The following ACTN1 variants were observed in gnomAD, a reference collection of about 807,000 sequenced individuals.
ACTN1 encodes alpha-actinin-1.
In ACTN1, 30 loss-of-function variants were observed where a neutral mutation model predicts 119.6. That is an observed-to-expected ratio of 0.25 (90% CI 0.19 to 0.34). The LOEUF (loss-of-function observed/expected upper bound fraction) is 0.34, where lower values mean the gene tolerates loss of function less well. Ranked by LOEUF, ACTN1 falls within the 10% of genes least tolerant of loss-of-function variation. The pLI, the probability that ACTN1 is intolerant of heterozygous loss-of-function variation, is 1.00. For missense variants in ACTN1, 764 were observed against 1,223.4 expected, an observed-to-expected ratio of 0.62 and a Z score of 5.60; for synonymous variants, 429 against 472.6, an observed-to-expected ratio of 0.91 and a Z score of 1.20.
chr14:68,973,167 T>C (rs1029387103), intron 1 of ACTN1, among the ~76,000 whole-genome samples: 5 of 151,948 alleles, frequency 3.3e-5, no homozygotes, highest in Admixed American at 2.6e-4. Context: ...TCTCCATGCG[T>C]TTCCCCCCAT....
intron 1 of ACTN1, among the ~76,000 whole-genome samples, chr14:68,945,937 T>A (rs1318666987): frequency 6.6e-6 from 1 of 152,106 alleles, no homozygotes. Flanking sequence ...CAATCAATCT[T>A]AACCACCCCA....
intron 1 of ACTN1, among the ~76,000 whole-genome samples, chr14:68,968,757 T>TG (rs2036783643): frequency 6.6e-6 from 1 of 152,248 alleles, no homozygotes; most frequent in Non-Finnish European, 1.5e-5. Context: ...TACCCTCAAA[T>TG]GGCCTTTACC....
intron 1 of ACTN1, among the ~76,000 whole-genome samples, chr14:68,974,630 G>A (rs1028170940): frequency 6.6e-6 from 1 of 152,114 alleles, no homozygotes; most frequent in Non-Finnish European, 1.5e-5. Context: ...CTTCCTTTGA[G>A]ATGCACCTCC....
intron 21 of ACTN1, among the ~76,000 whole-genome samples, chr14:68,875,749 G>A (rs567344759): frequency 6.6e-6 from 1 of 152,358 alleles, no homozygotes; most frequent in African/African-American, 2.4e-5. Flanking sequence ...AGCTGCCACT[G>A]TCAAGCCAAA....
At chr14:68,964,705 T>C (rs931308827) in intron 1 of ACTN1, among the ~76,000 whole-genome samples, 3 of 152,224 alleles carry the variant, frequency 2.0e-5, no homozygotes, top group Non-Finnish European at 4.4e-5. Context: ...ACAGTACCTT[T>C]TCCTCATAGG....
At chr14:68,927,182 G>A (rs1210640508) in intron 1 of ACTN1, among the ~76,000 whole-genome samples, 1 of 152,120 alleles carries the variant, frequency 6.6e-6, no homozygotes, top group Admixed American at 6.5e-5. Flanking sequence ...GATTTCCAAT[G>A]TCCTCTCTAT....
At chr14:68,939,763 G>T (rs949711946) in intron 1 of ACTN1, among the ~76,000 whole-genome samples, 6 of 152,194 alleles carry the variant, frequency 3.9e-5, no homozygotes, top group Non-Finnish European at 8.8e-5. Context: ...TGTATAAATG[G>T]GTTAATTGTA....
In ACTN1 at chr14:68,963,507, G is replaced by A. The variant is rs548849261; in HGVS notation, c.105+15445C>T. Among the ~76,000 whole-genome samples the A allele has an allele frequency of 5.3e-5, 8 of 152,300 alleles. No homozygotes were observed. The East Asian group carries it at 1.3e-3, about 26-fold the overall frequency. On this transcript the variant is annotated intron_variant, in intron 1 of 21. Transcript: ENST00000394419. ...ACATGAGTTGAGTAGATGAACTAGGGCTGGCTGCAGTGCCTTCTGCCCCAG... is the reference window on the plus strand; with the variant it reads ...ACATGAGTTGAGTAGATGAACTAGGACTGGCTGCAGTGCCTTCTGCCCCAG...
chr14:68,957,773 C>A (rs2036397986), intron 1 of ACTN1, among the ~76,000 whole-genome samples: 1 of 152,008 alleles, frequency 6.6e-6, no homozygotes, highest in African/African-American at 2.4e-5. Flanking sequence ...AGGGGTCTCC[C>A]TGCCCTGGAA....
rs1566585320 is a variant in ACTN1 at position 68,877,069 on chromosome 14, A to C, written c.2586+13T>G. The C allele has an allele frequency of 6.2e-7, 1 of 1,613,764 alleles. No homozygotes were observed. The highest frequency in any genetic ancestry group is 8.5e-7 in the Non-Finnish European group (1 of 1,179,834). On this transcript the variant is annotated intron_variant, in intron 21 of 21. Coordinates refer to ENST00000394419, the MANE Select transcript of ACTN1 (RefSeq NM_001130004.2). ...TGCCACCCCAGCACAGTGCCCACCC[A>C]TAGGACACCCACCTTGTCCCCAGCC...
rs551394384 is a variant in ACTN1, at chr14:68,918,739, A to G, written c.340+2267T>C. Among the ~76,000 whole-genome samples, 201 of 152,128 alleles carry G rather than the reference A, an allele frequency of 1.3e-3. 3 individuals are homozygous for G. The South Asian group carries it at 0.024, about 18-fold the overall frequency. On this transcript the variant is annotated intron_variant, in intron 3 of 21. Transcript: ENST00000394419. ...TGAAATCCCATCTCTACTAAAAAAAAAAAAAGAAAAGAAAGTTCTGTCCTG... is the reference window on the plus strand; with the variant it reads ...TGAAATCCCATCTCTACTAAAAAAAGAAAAAGAAAAGAAAGTTCTGTCCTG...
At chr14:68,964,101 C>A (rs1262718839) in intron 1 of ACTN1, among the ~76,000 whole-genome samples, 1 of 152,160 alleles carries the variant, frequency 6.6e-6, no homozygotes, top group African/African-American at 2.4e-5. Context: ...GCTGACCCAT[C>A]AAAGGATGAA....
At chr14:68,905,626 A>G (rs1267023217) in intron 6 of ACTN1, among the ~76,000 whole-genome samples, 1 of 152,324 alleles carries the variant, frequency 6.6e-6, no homozygotes, top group Non-Finnish European at 1.5e-5. Context: ...CCTCAACAAG[A>G]GGGAATTTCT....
intron 6 of ACTN1, among the ~76,000 whole-genome samples, chr14:68,906,029 G>C (rs1342470963): frequency 6.6e-6 from 1 of 151,298 alleles, no homozygotes; most frequent in African/African-American, 2.4e-5. Flanking sequence ...TCACTGTTAT[G>C]AGGTTCCCAG....
At position 68,875,124 on chromosome 14, in the gene ACTN1, T is replaced by C. The variant is rs764313700; in HGVS notation, c.2587-107A>G. On this transcript the variant is annotated intron_variant, in intron 21 of 21. Coordinates refer to ENST00000394419, the MANE Select transcript of ACTN1 (RefSeq NM_001130004.2). The stretch of plus-strand genomic sequence containing the variant: ...CGGCGTGAAGGCAGCATGTGCCGTT[T>C]GCATTTTGCCTCCCTCCTGTAACTA... 5.2e-6 allele frequency: 8 copies of C among 1,552,934 alleles called. No homozygotes were observed. The South Asian group carries it at 9.3e-5, about 18-fold the overall frequency.
At chr14:68,895,870 A>G (rs563050333) in intron 8 of ACTN1, among the ~76,000 whole-genome samples, 1 of 152,252 alleles carries the variant, frequency 6.6e-6, no homozygotes, top group South Asian at 2.1e-4. Context: ...ACTACTCCAG[A>G]GTCAGGGTCA....
chr14:68,925,636 C>T lies in ACTN1; in HGVS notation c.142G>A (p.Ala48Thr). The T allele has an allele frequency of 6.2e-7, 1 of 1,613,348 alleles. No homozygotes were observed. The highest frequency in any genetic ancestry group is 8.5e-7 in the Non-Finnish European group (1 of 1,179,592). ...TCGATGTTCTCGATCTGTGTCCCCGCCTTCCGGAGGTGGGAGTTACACCAT... is the reference window on the plus strand; with the variant it reads ...TCGATGTTCTCGATCTGTGTCCCCGTCTTCCGGAGGTGGGAGTTACACCAT... Reference protein sequence around the residue: ...TAWCNSHLRKAGTQIENIEED... With the variant: ...TAWCNSHLRKTGTQIENIEED... The change falls in exon 2 of 22, where the codon GCG (alanine) becomes ACG (threonine). Residue 48 changes from alanine to threonine, a missense_variant. Ala to Thr is a moderately conservative substitution (Grantham distance 58). Coordinates refer to ENST00000394419, the MANE Select transcript of ACTN1 (RefSeq NM_001130004.2). The surrounding 1 kb of genome is among the most constrained non-coding windows in gnomAD (Gnocchi z 4.3).
intron 1 of ACTN1, among the ~76,000 whole-genome samples, chr14:68,963,931 T>A (rs554726666): frequency 6.6e-6 from 1 of 152,322 alleles, no homozygotes; most frequent in African/African-American, 2.4e-5. Context: ...TTTAAAAAAA[T>A]TCATTCATTT....
chr14:68,882,589 G>A lies in ACTN1; in HGVS notation c.1822C>T (p.Arg608Trp), dbSNP rs1468329163. 1.6e-5 allele frequency: 26 copies of A among 1,614,052 alleles called. No individual in the cohort carries two copies. In the East Asian group the frequency reaches 4.9e-4, roughly 30 times the overall value. The change falls in exon 16 of 22, where the codon CGG becomes TGG. Residue 608 changes from arginine to tryptophan, a missense_variant. Arg to Trp is a moderately radical substitution (Grantham distance 101, BLOSUM62 -3). Transcript: ENST00000394419. The surrounding 1 kb of genome is among the most constrained non-coding windows in gnomAD (Gnocchi z 4.5). Reference sequence around the variant, plus strand: ...TGGTCCCTCCGAGGCACCAGCTGCCGCACCTGGGGCAGGAACAACAAGGCG... The same window carrying A: ...TGGTCCCTCCGAGGCACCAGCTGCCACACCTGGGGCAGGAACAACAAGGCG... ...QEINGKWDHV[R>W]QLVPRRDQAL...
Sources: gnomAD v4.1 joint callset for allele counts (sites outside exome capture counted in the v4.1 genomes callset) on GRCh38, gnomAD v4.1.1 for gene constraint, Gnocchi (gnomAD v3.1) non-coding constraint, MANE v1.5 for transcripts, NCBI Gene and HGNC (gene_info 2026-07-23, HGNC 2026-07-21) for gene names.